The following ITM2B variants were observed in gnomAD, a reference collection of about 807,000 sequenced individuals.
The protein encoded by ITM2B is integral membrane protein 2B, also known as ABri/ADan amyloid peptide.
ITM2B carries 11 observed loss-of-function variants against 27.8 expected under a neutral mutation model. That is an observed-to-expected ratio of 0.40 (90% CI 0.25 to 0.66). The LOEUF (loss-of-function observed/expected upper bound fraction) is 0.66. Ranked by LOEUF, ITM2B falls within the 30% of genes least tolerant of loss-of-function variation. ITM2B has a pLI of 0.43. For synonymous variants in ITM2B, 114 were observed against 114.3 expected, an observed-to-expected ratio of 1.00 and a Z score of 0.02; for missense variants, 296 against 328.9, an observed-to-expected ratio of 0.90 and a Z score of 0.77.
Position 48,268,095 on chromosome 13 carries a change from A to C in ITM2B, c.*6871A>C, listed in dbSNP as rs1254792402. ...CTAAAACTACTTTTTCATTTCTATG[A>C]CCATAGTTCAGTTTTTGGCTATTCT... On this transcript the variant is annotated 3_prime_UTR_variant, in exon 6 of 6. Transcript: ENST00000647800. 1 of 152,114 alleles carries C rather than the reference A, an allele frequency of 6.6e-6. No individual in the cohort carries two copies. The highest frequency in any genetic ancestry group is 1.9e-4 in the East Asian group (1 of 5,196). 9.4% of individuals were successfully genotyped at this position (152,114 alleles called of 1,614,324 possible).
At chr13:48,237,058 T>C (rs528755779) in intron 1 of ITM2B, among the ~76,000 whole-genome samples, 1 of 152,368 alleles carries the variant, frequency 6.6e-6, no homozygotes, top group Admixed American at 6.5e-5. Context: ...GTTTTCCCTA[T>C]TCACACAATC....
intron 1 of ITM2B, among the ~76,000 whole-genome samples, chr13:48,249,563 A>G (rs1951741623): frequency 6.6e-6 from 1 of 152,216 alleles, no homozygotes; most frequent in Non-Finnish European, 1.5e-5. Flanking sequence ...ATTATTTACA[A>G]ATAATAACAG....
chr13:48,250,252 C>G (rs1343858816), intron 1 of ITM2B, among the ~76,000 whole-genome samples: 1 of 152,126 alleles, frequency 6.6e-6, no homozygotes, highest in Non-Finnish European at 1.5e-5. Flanking sequence ...TCTCCCTTCC[C>G]TTATTATCAC....
chr13:48,266,834 G>C lies in ITM2B; in HGVS notation c.*5610G>C, dbSNP rs1005759390. On this transcript the variant is annotated 3_prime_UTR_variant, in exon 6 of 6. Transcript: ENST00000647800. Reference sequence around the variant, plus strand: ...ATTAAGATTTTCATATGACAGAAGTGTATATATATCCACAAATGTTTCAAG... The same window carrying C: ...ATTAAGATTTTCATATGACAGAAGTCTATATATATCCACAAATGTTTCAAG... The C allele has an allele frequency of 6.6e-6, 1 of 152,086 alleles. No homozygotes were observed. The highest frequency in any genetic ancestry group is 1.5e-5 in the Non-Finnish European group (1 of 68,010). 9.4% of individuals were successfully genotyped at this position (152,086 alleles called of 1,614,324 possible).
intron 1 of ITM2B, among the ~76,000 whole-genome samples, chr13:48,244,259 A>G (rs888840749): frequency 1.3e-5 from 2 of 152,234 alleles, no homozygotes; most frequent in Non-Finnish European, 2.9e-5. Context: ...CAGTTATGAA[A>G]ACCAAATTAG....
chr13:48,252,996 A>G (rs545165246), intron 1 of ITM2B, among the ~76,000 whole-genome samples: 2 of 152,356 alleles, frequency 1.3e-5, no homozygotes, highest in South Asian at 2.1e-4. Context: ...TCATGACCCC[A>G]AATAATGTTC....
Position 48,266,906 on chromosome 13 carries a change from A to G in ITM2B, c.*5682A>G, listed in dbSNP as rs145216154. The G allele has an allele frequency of 6.6e-6, 1 of 152,266 alleles. No individual in the cohort carries two copies. The highest frequency in any genetic ancestry group is 1.9e-4 in the East Asian group (1 of 5,182). 9.4% of individuals were successfully genotyped at this position (152,266 alleles called of 1,614,324 possible). A position where few individuals can be genotyped will look rare whatever the true frequency, so the allele number is the denominator to read the frequency against. On this transcript the variant is annotated 3_prime_UTR_variant, in exon 6 of 6. Transcript: ENST00000647800. ...TAATGCCACCTTCTTCTAGGATAGT[A>G]TTTTTGGGCCAGATGGTTTTCCACA... is the stretch of plus-strand genomic sequence containing the variant.
At chr13:48,245,995 GT>G (rs1348334957) in intron 1 of ITM2B, among the ~76,000 whole-genome samples, 1 of 152,086 alleles carries the variant, frequency 6.6e-6, no homozygotes, top group Non-Finnish European at 1.5e-5. Context: ...AGCCAGGATG[GT>G]CTCAATCTCC....
intron 1 of ITM2B, among the ~76,000 whole-genome samples, chr13:48,249,850 A>G (rs1260133680): frequency 2.0e-5 from 3 of 152,082 alleles, no homozygotes; most frequent in South Asian, 2.1e-4. Flanking sequence ...CATTTTCTGT[A>G]TATTTTGAGA....
intron 1 of ITM2B, among the ~76,000 whole-genome samples, chr13:48,246,615 G>A (rs1212758947): frequency 6.6e-6 from 1 of 152,128 alleles, no homozygotes; most frequent in Non-Finnish European, 1.5e-5. Flanking sequence ...AAATGAATAT[G>A]TCCCAGTGTA....
intron 4 of ITM2B, 24 bp downstream of exon 4, chr13:48,258,260 G>T: frequency 2.8e-6 from 3 of 1,089,346 alleles, no homozygotes; most frequent in Non-Finnish European, 4.3e-6. Flanking sequence ...GACTGTTTTT[G>T]ATGAATGATG....
At position 48,233,523 on chromosome 13, in the gene ITM2B, G is replaced by C. The variant is rs1181083867; in HGVS notation, c.117+46G>C. ...AGGAAGCGGGTGCTGGGCCCGGCCG[G>C]GGAGGGCTGCGCGGACTGCAGCGGC... On this transcript the variant is annotated intron_variant, in intron 1 of 5. Coordinates refer to ENST00000647800, the MANE Select transcript of ITM2B (RefSeq NM_021999.5). 9 of 1,347,694 alleles carry C rather than the reference G, an allele frequency of 6.7e-6. No individual in the cohort carries two copies. The South Asian group carries it at 9.3e-5, about 14-fold the overall frequency. The allele number at this position is 1,347,694 out of a possible 1,614,324, so 83.5% of individuals were successfully genotyped here.
chr13:48,241,561 AC>A lies in ITM2B; in HGVS notation c.117+8085del, dbSNP rs565420427. ...ATTTCTCTAAATCAGTGGTTGTTAA[AC>A]ATTTTGCTCTGAGAACTCCTTTATA... On this transcript the variant is annotated intron_variant, in intron 1 of 5. Coordinates refer to ENST00000647800, the MANE Select transcript of ITM2B (RefSeq NM_021999.5). Among the ~76,000 whole-genome samples, 402 of 152,302 alleles carry A rather than the reference AC, an allele frequency of 2.6e-3. 5 individuals are homozygous for A. The highest frequency in any genetic ancestry group is 9.2e-3 in the African/African-American group (384 of 41,568).
chr13:48,264,065 A>G lies in ITM2B; in HGVS notation c.*2841A>G, dbSNP rs574711251. On this transcript the variant is annotated 3_prime_UTR_variant, in exon 6 of 6. Coordinates refer to ENST00000647800, the MANE Select transcript of ITM2B (RefSeq NM_021999.5). ...AAAGTACAGAAGTCAAGATGAGACT[A>G]TATAAATCTTGACAAGTTGTTGGCC... is the stretch of plus-strand genomic sequence containing the variant. 6.6e-6 allele frequency: 1 copy of G among 152,294 alleles called. No individual in the cohort carries two copies. The highest frequency in any genetic ancestry group is 1.5e-5 in the Non-Finnish European group (1 of 68,028). The allele number at this position is 152,294 out of a possible 1,614,324, so 9.4% of individuals were successfully genotyped here.
chr13:48,253,698 T>A (rs1197257169), intron 1 of ITM2B, 110 bp from the exon 2 acceptor site: 2 of 1,104,648 alleles, frequency 1.8e-6, no homozygotes, highest in Non-Finnish European at 1.4e-6. Context: ...ACTCCTTTGG[T>A]CTTTGTGTCT....
At chr13:48,254,385 C>T (rs1951773434) in intron 2 of ITM2B, among the ~76,000 whole-genome samples, 3 of 152,174 alleles carry the variant, frequency 2.0e-5, no homozygotes, top group Admixed American at 2.0e-4. Context: ...GTCTCTGCTT[C>T]TTTTCCAGTC....
At chr13:48,248,418 G>A (rs1232331048) in intron 1 of ITM2B, among the ~76,000 whole-genome samples, 2 of 152,018 alleles carry the variant, frequency 1.3e-5, no homozygotes, top group African/African-American at 2.4e-5. Context: ...GTATAGGCAC[G>A]AGCCACTGGG....
Position 48,262,968 on chromosome 13 carries a change from T to C in ITM2B, c.*1744T>C, listed in dbSNP as rs113748687. 2.6e-5 allele frequency: 4 copies of C among 152,184 alleles called. No individual in the cohort carries two copies. Among genetic ancestry groups the C allele is most frequent in the African/African-American group, 9.7e-5 (4 of 41,440 alleles). The allele number at this position is 152,184 out of a possible 1,614,324, so 9.4% of individuals were successfully genotyped here. On this transcript the variant is annotated 3_prime_UTR_variant, in exon 6 of 6. Coordinates refer to ENST00000647800, the MANE Select transcript of ITM2B (RefSeq NM_021999.5). ...GAAGGAGCTTATTAGTTTGTTTTCC[T>C]GTTGATTATAGTAGTAATGCAGTAT...
intron 1 of ITM2B, among the ~76,000 whole-genome samples, chr13:48,253,124 C>G (rs1309114097): frequency 6.6e-6 from 1 of 151,944 alleles, no homozygotes. Context: ...TCATTTTTTT[C>G]TACTGCTTCT....
Sources: allele counts gnomAD v4.1 joint callset (sites outside exome capture counted in the v4.1 genomes callset), GRCh38; gene constraint gnomAD v4.1.1; transcripts MANE v1.5; gene names NCBI Gene and HGNC (gene_info 2026-07-23, HGNC 2026-07-21).